The following ADRA1B variants were observed in gnomAD, a reference collection of about 807,000 sequenced individuals.
ADRA1B encodes adrenoceptor alpha 1B.
ADRA1B carries 17 observed loss-of-function variants against 17.9 expected under a neutral mutation model. That is an observed-to-expected ratio of 0.95 (90% CI 0.65 to 1.42). ADRA1B has a LOEUF of 1.42. Ranked by LOEUF, ADRA1B falls within the 40% of genes most tolerant of loss-of-function variation. The pLI, the probability that ADRA1B is intolerant of heterozygous loss-of-function variation, is 0.00. For missense variants in ADRA1B, 681 were observed against 722.1 expected (o/e 0.94, Z 0.65); for synonymous variants, 366 against 327.6 (o/e 1.12, Z -1.27).
chr5:159,972,538 G>T lies in ADRA1B; in HGVS notation c.*46G>T. The T allele has an allele frequency of 9.1e-7, 1 of 1,098,658 alleles. No homozygotes were observed. Among genetic ancestry groups the T allele is most frequent in the Non-Finnish European group, 1.2e-6 (1 of 843,720 alleles). The allele number at this position is 1,098,658 out of a possible 1,614,324, so 68.1% of individuals were successfully genotyped here. Reference sequence around the variant, plus strand: ...TTTCCCTGGGGAGGAAAACATCGTGGGGGGGAGGGGAGGGCGGGGCGGAGG... The same window carrying T: ...TTTCCCTGGGGAGGAAAACATCGTGTGGGGGAGGGGAGGGCGGGGCGGAGG... On this transcript the variant is annotated 3_prime_UTR_variant, in exon 2 of 2. Coordinates refer to ENST00000306675, the MANE Select transcript of ADRA1B (RefSeq NM_000679.4).
chr5:159,881,299 TTCTCTCTCTCTCTCTC>T (rs11471058), intron 1 of ADRA1B, among the ~76,000 whole-genome samples: 14 of 132,068 alleles, frequency 1.1e-4, no homozygotes, highest in East Asian at 4.1e-4. Flanking sequence ...TATCAGAAAG[TTCTCTCTCTCTCTCTC>T]TCTCTCTCTC....
At chr5:159,904,196 A>G (rs1404896705) in intron 1 of ADRA1B, among the ~76,000 whole-genome samples, 4 of 152,204 alleles carry the variant, frequency 2.6e-5, no homozygotes, top group Non-Finnish European at 5.9e-5. Context: ...TTTTAAGACT[A>G]TGGGTCTGGA....
intron 1 of ADRA1B, chr5:159,868,452 CT>C (rs1186612387): frequency 6.6e-6 from 1 of 152,140 alleles, no homozygotes; most frequent in Non-Finnish European, 1.5e-5. Context: ...GACAAAAGGT[CT>C]TGGGAAGTTT....
At chr5:159,866,967 A>G (rs1753662489) in intron 1 of ADRA1B, 2 of 152,334 alleles carry the variant, frequency 1.3e-5, no homozygotes, top group South Asian at 4.1e-4. Flanking sequence ...TCAGCAGAAC[A>G]AAACAGGGAA....
intron 1 of ADRA1B, among the ~76,000 whole-genome samples, chr5:159,890,813 C>G (rs1253316090): frequency 6.6e-6 from 1 of 152,232 alleles, no homozygotes; most frequent in Non-Finnish European, 1.5e-5. Context: ...GGGAAGGGAA[C>G]AGAAACAATC....
the ADRA1B span, among the ~76,000 whole-genome samples, chr5:159,987,085 G>T: frequency 6.6e-6 from 1 of 152,222 alleles, no homozygotes; most frequent in African/African-American, 2.4e-5. Context: ...CCTGCCCCCA[G>T]CGGCGGGGGA....
At chr5:159,908,881 A>T (rs568559598) in intron 1 of ADRA1B, among the ~76,000 whole-genome samples, 25 of 152,318 alleles carry the variant, frequency 1.6e-4, no homozygotes, top group African/African-American at 5.8e-4. Flanking sequence ...GGGCCCTCCC[A>T]GGCACTTGCA....
intron 1 of ADRA1B, among the ~76,000 whole-genome samples, chr5:159,900,456 T>C (rs1483243894): frequency 6.6e-6 from 1 of 152,238 alleles, no homozygotes; most frequent in African/African-American, 2.4e-5. Context: ...AAGTTATTCC[T>C]GGGCATTGCA....
intron 1 of ADRA1B, among the ~76,000 whole-genome samples, chr5:159,946,922 G>A (rs1755287818): frequency 1.3e-5 from 2 of 152,196 alleles, no homozygotes; most frequent in African/African-American, 4.8e-5. Flanking sequence ...GACACTGGTG[G>A]AGAACTAATA....
upstream of ADRA1B, among the ~76,000 whole-genome samples, chr5:159,914,445 G>A (rs1235512063): frequency 6.6e-6 from 1 of 152,242 alleles, no homozygotes; most frequent in Non-Finnish European, 1.5e-5. Context: ...CCAAGGTTCT[G>A]AGAGCTTCTG....
the ADRA1B span, among the ~76,000 whole-genome samples, chr5:159,984,646 C>T: frequency 6.6e-6 from 1 of 151,908 alleles, no homozygotes; most frequent in African/African-American, 2.4e-5. Context: ...GCCTGTAATC[C>T]TAGCACTTTG....
intron 1 of ADRA1B, chr5:159,870,997 T>C (rs1753732001): frequency 6.6e-6 from 1 of 152,194 alleles, no homozygotes; most frequent in East Asian, 1.9e-4. Context: ...CATGTTGTGA[T>C]GAGATGCTCA....
At chr5:159,950,836 G>T in intron 1 of ADRA1B, 1 of 601,116 alleles carries the variant, frequency 1.7e-6, no homozygotes, top group Non-Finnish European at 3.1e-6. Flanking sequence ...GTTCAGCTTA[G>T]AGATGACCCC....
chr5:159,891,596 C>T (rs1309990586), intron 1 of ADRA1B, among the ~76,000 whole-genome samples: 1 of 152,090 alleles, frequency 6.6e-6, no homozygotes, highest in Non-Finnish European at 1.5e-5. Context: ...AGGAGCTGGA[C>T]GACTTGGAGG....
chr5:159,968,626 A>G (rs1246106543), intron 1 of ADRA1B, among the ~76,000 whole-genome samples: 1 of 152,174 alleles, frequency 6.6e-6, no homozygotes, highest in East Asian at 1.9e-4. Flanking sequence ...CCATGGCTCC[A>G]GCCTCCATCC....
intron 1 of ADRA1B, among the ~76,000 whole-genome samples, chr5:159,958,313 A>G (rs942040116): frequency 6.6e-6 from 1 of 152,072 alleles, no homozygotes; most frequent in African/African-American, 2.4e-5. Context: ...GTTTTTTCCC[A>G]CCACTTACAG....
chr5:159,896,122 G>A (rs1028795222), intron 1 of ADRA1B, among the ~76,000 whole-genome samples: 5 of 152,174 alleles, frequency 3.3e-5, no homozygotes, highest in Non-Finnish European at 7.3e-5. Context: ...ACACATAGAA[G>A]AATCTCAGTA....
At chr5:159,941,408 T>C (rs898692791) in intron 1 of ADRA1B, among the ~76,000 whole-genome samples, 1 of 152,208 alleles carries the variant, frequency 6.6e-6, no homozygotes, top group African/African-American at 2.4e-5. Flanking sequence ...CTTGTTCTTG[T>C]TCTAAAAACT....
chr5:159,930,704 C>G (rs1030744453), intron 1 of ADRA1B, among the ~76,000 whole-genome samples: 2 of 151,858 alleles, frequency 1.3e-5, no homozygotes, highest in Non-Finnish European at 2.9e-5. Flanking sequence ...CTTTTAAAAG[C>G]TATTTATTAG....
Sources: allele counts gnomAD v4.1 joint callset (sites outside exome capture counted in the v4.1 genomes callset), GRCh38; gene constraint gnomAD v4.1.1; transcripts MANE v1.5; gene names NCBI Gene and HGNC (gene_info 2026-07-23, HGNC 2026-07-21).